EFCAB11: variants seen among roughly 807,000 people sequenced by gnomAD.
EFCAB11 encodes EF-hand calcium binding domain 11.
A neutral mutation model predicts 23.0 loss-of-function variants in EFCAB11; 14 were observed. The observed-to-expected ratio is 0.61, with a 90% CI of 0.40 to 0.95. The LOEUF (loss-of-function observed/expected upper bound fraction) is 0.95. EFCAB11 is among the 40% of genes least tolerant of loss of function. The pLI is 0.00. For synonymous variants in EFCAB11, 65 were observed against 66.6 expected (o/e 0.98, Z 0.11); for missense variants, 198 against 195.8 (o/e 1.01, Z -0.07).
chr14:89,916,685 C>G (rs1195344701), intron 5 of EFCAB11, among the ~76,000 whole-genome samples: 1 of 152,158 alleles, frequency 6.6e-6, no homozygotes, highest in Non-Finnish European at 1.5e-5. Context: ...ATACTCTCTC[C>G]TGCAAACAGA....
At chr14:89,950,343 T>C (rs757312862) in intron 2 of EFCAB11, among the ~76,000 whole-genome samples, 2 of 152,168 alleles carry the variant, frequency 1.3e-5, no homozygotes, top group African/African-American at 2.4e-5. Flanking sequence ...GACACTAATC[T>C]GCTAGTCCCT....
intron 5 of EFCAB11, among the ~76,000 whole-genome samples, chr14:89,891,904 A>T (rs1888980163): frequency 1.3e-5 from 2 of 152,000 alleles, no homozygotes; most frequent in South Asian, 2.1e-4. Context: ...CTGGCGCCCC[A>T]CAGCCCAAGC....
chr14:89,924,814 G>A, intron 5 of EFCAB11: 1 of 1,027,678 alleles, frequency 9.7e-7, no homozygotes, highest in Non-Finnish European at 1.4e-6. Context: ...TAGTTTATGA[G>A]AAATAAATTA....
intron 5 of EFCAB11, among the ~76,000 whole-genome samples, chr14:89,854,508 C>T (rs1041333316): frequency 1.3e-4 from 20 of 152,256 alleles, no homozygotes; most frequent in African/African-American, 3.1e-4. Flanking sequence ...TCTTCAGTAC[C>T]GGCAATCCAT....
chr14:89,896,511 ACTAT>A (rs1269286630), intron 5 of EFCAB11, among the ~76,000 whole-genome samples: 3 of 152,242 alleles, frequency 2.0e-5, no homozygotes, highest in South Asian at 2.1e-4. Flanking sequence ...ATATTCCAGC[ACTAT>A]CTAAGTAAAC....
intron 5 of EFCAB11, among the ~76,000 whole-genome samples, chr14:89,928,377 T>C (rs1890260481): frequency 6.6e-6 from 1 of 152,112 alleles, no homozygotes; most frequent in Non-Finnish European, 1.5e-5. Flanking sequence ...TGTACATTAA[T>C]ATACTCTATT....
At chr14:89,846,033 G>C (rs1215222352) in intron 5 of EFCAB11, among the ~76,000 whole-genome samples, 2 of 152,106 alleles carry the variant, frequency 1.3e-5, no homozygotes, top group African/African-American at 4.8e-5. Context: ...CTTGGGCAAG[G>C]GACTTAACCT....
Position 89,899,125 on chromosome 14 carries a change from G to C in EFCAB11, c.410+32416C>G, listed in dbSNP as rs966725385. 4.6e-5 allele frequency among the ~76,000 whole-genome samples: 7 copies of C among 152,216 alleles called. No individual in the cohort carries two copies. The East Asian group carries it at 1.2e-3, about 25-fold the overall frequency. Reference sequence around the variant, plus strand: ...AAATGCAAAAGCTGTGTTACACGTAGAGAGTTGCCAAGTGGTAGACAAATT... The same window carrying C: ...AAATGCAAAAGCTGTGTTACACGTACAGAGTTGCCAAGTGGTAGACAAATT... On this transcript the variant is annotated intron_variant, in intron 5 of 5. Transcript: ENST00000316738.
chr14:89,949,540 AT>A (rs1891092772), intron 3 of EFCAB11, among the ~76,000 whole-genome samples: 1 of 151,956 alleles, frequency 6.6e-6, no homozygotes, highest in Admixed American at 6.6e-5. Flanking sequence ...AATTTTTTGT[AT>A]TTTTAGTAGA....
chr14:89,839,389 T>C (rs1887187236), intron 5 of EFCAB11, among the ~76,000 whole-genome samples: 1 of 152,124 alleles, frequency 6.6e-6, no homozygotes, highest in Non-Finnish European at 1.5e-5. Flanking sequence ...AGGGGCTTCT[T>C]TTTCTAACAG....
rs961123538 is a variant in EFCAB11 at position 89,794,939 on chromosome 14, T to A, written c.*2304A>T. On this transcript the variant is annotated 3_prime_UTR_variant, in exon 6 of 6. Transcript: ENST00000316738. Reference sequence around the variant, plus strand: ...AGTGATACATTATTATTAGCTAAAGTCCATGCTTGATTTGTTTCTACTTAA... The same window carrying A: ...AGTGATACATTATTATTAGCTAAAGACCATGCTTGATTTGTTTCTACTTAA... 3 of 148,842 alleles carry A rather than the reference T, an allele frequency of 2.0e-5. No individual in the cohort carries two copies. The highest frequency in any genetic ancestry group is 7.4e-5 in the African/African-American group (3 of 40,808). The allele number at this position is 148,842 out of a possible 1,614,324, so 9.2% of individuals were successfully genotyped here.
At chr14:89,805,034 G>C (rs1040140833) in intron 5 of EFCAB11, among the ~76,000 whole-genome samples, 1 of 152,198 alleles carries the variant, frequency 6.6e-6, no homozygotes, top group Non-Finnish European at 1.5e-5. Flanking sequence ...CCATAAGCAA[G>C]TGGTGGACCT....
intron 5 of EFCAB11, among the ~76,000 whole-genome samples, chr14:89,886,387 G>T (rs944262299): frequency 6.6e-6 from 1 of 151,696 alleles, no homozygotes; most frequent in Non-Finnish European, 1.5e-5. Context: ...GCGTGGTGGC[G>T]GGTGCCTGTA....
chr14:89,861,613 T>A (rs1212144118), intron 5 of EFCAB11, among the ~76,000 whole-genome samples: 1 of 152,176 alleles, frequency 6.6e-6, no homozygotes, highest in Non-Finnish European at 1.5e-5. Flanking sequence ...CCAAATTTCA[T>A]GTGTTGGAAA....
rs142225860 is a variant in EFCAB11, at chr14:89,856,645, A to T, written c.411-59321T>A. On this transcript the variant is annotated intron_variant, in intron 5 of 5. Transcript: ENST00000316738. ...GCCATCCTAACAGCTATGAAGTAGC[A>T]TCTCACAGTGATTTTGATTTGCATT... Among the ~76,000 whole-genome samples the T allele has an allele frequency of 1.8e-4, 27 of 152,346 alleles. 1 individual carries two copies. In the East Asian group the frequency reaches 4.1e-3, roughly 23 times the overall value.
chr14:89,806,178 T>C (rs1885962769), intron 5 of EFCAB11, among the ~76,000 whole-genome samples: 1 of 152,220 alleles, frequency 6.6e-6, no homozygotes, highest in Non-Finnish European at 1.5e-5. Flanking sequence ...CCAAAGTGAC[T>C]AACCATAAAT....
chr14:89,912,713 A>G (rs1203228409), intron 5 of EFCAB11, among the ~76,000 whole-genome samples: 1 of 152,226 alleles, frequency 6.6e-6, no homozygotes, highest in Admixed American at 6.5e-5. Context: ...TGTGTGCATG[A>G]TTAATTGTAA....
chr14:89,836,494 G>C, intron 5 of EFCAB11: 1 of 451,934 alleles, frequency 2.2e-6, no homozygotes, highest in Non-Finnish European at 4.5e-6. Context: ...AAGCATGGAT[G>C]TTGGGGGCGG....
chr14:89,871,030 T>C (rs537648811), intron 5 of EFCAB11, among the ~76,000 whole-genome samples: 140 of 152,356 alleles, frequency 9.2e-4, no homozygotes, highest in African/African-American at 3.3e-3. Context: ...AGTAATCACT[T>C]TCCTGAACTT....
Sources: gnomAD v4.1 joint callset for allele counts (sites outside exome capture counted in the v4.1 genomes callset) on GRCh38, gnomAD v4.1.1 for gene constraint, MANE v1.5 for transcripts, NCBI Gene and HGNC (gene_info 2026-07-23, HGNC 2026-07-21) for gene names.